ACTR2: variants seen among roughly 807,000 people sequenced by gnomAD.
ACTR2 encodes actin-related protein 2.
In ACTR2, 5 loss-of-function variants were observed where a neutral mutation model predicts 50.2. The observed-to-expected ratio is 0.10, with a 90% CI of 0.05 to 0.21. ACTR2 has a LOEUF of 0.21. ACTR2 is among the 10% of genes least tolerant of loss of function. The pLI is 1.00. For synonymous variants in ACTR2, 140 were observed against 162.9 expected (o/e 0.86, Z 1.07); for missense variants, 180 against 480.6 (o/e 0.37, Z 5.85).
Position 65,270,735 on chromosome 2 carries a change from T to C in ACTR2, c.*2001T>C, listed in dbSNP as rs1672478864. 6.6e-6 allele frequency: 1 copy of C among 152,210 alleles called. No homozygotes were observed. Among genetic ancestry groups the C allele is most frequent in the Admixed American group, 6.5e-5 (1 of 15,280 alleles). 9.4% of individuals were successfully genotyped at this position (152,210 alleles called of 1,614,324 possible). Reference sequence around the variant, plus strand: ...GTAGAATTTGTTTTTGATTTCATAATTCTGCTGGTAAATGTGACAGTTAAA... The same window carrying C: ...GTAGAATTTGTTTTTGATTTCATAACTCTGCTGGTAAATGTGACAGTTAAA... On this transcript the variant is annotated 3_prime_UTR_variant, in exon 9 of 9. Coordinates refer to ENST00000260641, the MANE Select transcript of ACTR2 (RefSeq NM_005722.4).
At chr2:65,248,285 A>G (rs1671977528) in intron 3 of ACTR2, among the ~76,000 whole-genome samples, 1 of 152,176 alleles carries the variant, frequency 6.6e-6, no homozygotes, top group Admixed American at 6.5e-5. Flanking sequence ...CTGTAATCCC[A>G]GCTACTTGGG....
In ACTR2 at chr2:65,227,839, A is replaced by C; in HGVS notation, c.-71A>C. The C allele has an allele frequency of 6.8e-7, 1 of 1,473,956 alleles. No homozygotes were observed. The highest frequency in any genetic ancestry group is 9.0e-7 in the Non-Finnish European group (1 of 1,108,052). The allele number at this position is 1,473,956 out of a possible 1,614,324, so 91.3% of individuals were successfully genotyped here. A position where few individuals can be genotyped will look rare whatever the true frequency, so the allele number is the denominator to read the frequency against. ...GGAGGGGCCGGGAAGACGCAAGAGGAAGAAGAGAAAACGGCCGGGCGGCGG... is the reference window on the plus strand; with the variant it reads ...GGAGGGGCCGGGAAGACGCAAGAGGCAGAAGAGAAAACGGCCGGGCGGCGG... On this transcript the variant is annotated 5_prime_UTR_variant, in exon 1 of 9. Coordinates refer to ENST00000260641, the MANE Select transcript of ACTR2 (RefSeq NM_005722.4).
intron 1 of ACTR2, among the ~76,000 whole-genome samples, chr2:65,235,506 C>T (rs1671722843): frequency 6.6e-6 from 1 of 152,198 alleles, no homozygotes; most frequent in South Asian, 2.1e-4. Context: ...CCTGTAATCC[C>T]AGCACTTTGA....
At chr2:65,253,002 G>A in intron 4 of ACTR2, among the ~76,000 whole-genome samples, 1 of 152,170 alleles carries the variant, frequency 6.6e-6, no homozygotes, top group East Asian at 1.9e-4. Flanking sequence ...TCAAAGTGAT[G>A]CTTTGGCTAG....
chr2:65,241,885 C>A, intron 2 of ACTR2: 1 of 690,240 alleles, frequency 1.4e-6, no homozygotes, highest in Non-Finnish European at 2.3e-6. Context: ...TTAATTTGGC[C>A]CTAATTATTA....
At chr2:65,236,971 G>T (rs1023378143) in intron 1 of ACTR2, among the ~76,000 whole-genome samples, 1 of 152,104 alleles carries the variant, frequency 6.6e-6, no homozygotes, top group Non-Finnish European at 1.5e-5. Flanking sequence ...TAGAAAAACA[G>T]ACTTTTTCTG....
chr2:65,253,904 A>G, intron 5 of ACTR2, 40 bp downstream of exon 5: 1 of 1,565,248 alleles, frequency 6.4e-7, no homozygotes, highest in Non-Finnish European at 8.8e-7. Context: ...AAATTTTGTA[A>G]TTTGTTTACC....
chr2:65,263,002 ACATAT>A (rs1672300507), intron 7 of ACTR2, among the ~76,000 whole-genome samples: 1 of 149,618 alleles, frequency 6.7e-6, no homozygotes, highest in Admixed American at 6.7e-5. Flanking sequence ...TAAAAAAAAA[ACATAT>A]ATATATATAT....
At position 65,243,007 on chromosome 2, in the gene ACTR2, A is replaced by C. The variant is rs1164433892; in HGVS notation, c.159+3045A>C. 2.6e-5 allele frequency among the ~76,000 whole-genome samples: 4 copies of C among 152,204 alleles called. No individual in the cohort carries two copies. The East Asian group carries it at 5.8e-4, about 22-fold the overall frequency. ...TAAGAAAAGGGTGTGCTTGCTGGGC[A>C]CGGTGGCTTGTGCCTGTACTCCCAG... On this transcript the variant is annotated intron_variant, in intron 2 of 8. Coordinates refer to ENST00000260641, the MANE Select transcript of ACTR2 (RefSeq NM_005722.4).
At chr2:65,268,128 C>A (rs1420318444) in intron 8 of ACTR2, among the ~76,000 whole-genome samples, 2 of 151,868 alleles carry the variant, frequency 1.3e-5, no homozygotes, top group African/African-American at 2.4e-5. Context: ...AGCCACCACA[C>A]CCAGCCATGC....
chr2:65,271,040 T>A lies in ACTR2; in HGVS notation c.*2306T>A, dbSNP rs774777808. ...CTTCTACATTTGAGAAGGGTTTTTT[T>A]AGAAATACATTTAGTAAAGTCCCCA... On this transcript the variant is annotated 3_prime_UTR_variant, in exon 9 of 9. Coordinates refer to ENST00000260641, the MANE Select transcript of ACTR2 (RefSeq NM_005722.4). 7.2e-5 allele frequency: 11 copies of A among 152,226 alleles called. No homozygotes were observed. The highest frequency in any genetic ancestry group is 1.6e-4 in the Non-Finnish European group (11 of 68,038). 9.4% of individuals were successfully genotyped at this position (152,226 alleles called of 1,614,324 possible). A position where few individuals can be genotyped will look rare whatever the true frequency, so the allele number is the denominator to read the frequency against.
chr2:65,253,611 A>G (rs1672094985), intron 4 of ACTR2, 117 bp from the exon 5 acceptor site: 19 of 987,862 alleles, frequency 1.9e-5, no homozygotes, highest in South Asian at 1.9e-4. Flanking sequence ...CTAAATAATA[A>G]ATTCTGGCTT....
At chr2:65,251,476 C>T (rs970002063) in intron 4 of ACTR2, among the ~76,000 whole-genome samples, 7 of 152,158 alleles carry the variant, frequency 4.6e-5, no homozygotes, top group African/African-American at 1.2e-4. Flanking sequence ...ATTTTCCTGC[C>T]TCAGCCTCCC....
At chr2:65,230,485 C>T (rs1448453386) in intron 1 of ACTR2, among the ~76,000 whole-genome samples, 3 of 141,694 alleles carry the variant, frequency 2.1e-5, no homozygotes, top group Admixed American at 1.5e-4. Context: ...GATCTCGGCT[C>T]TCTGCAACCT....
At chr2:65,242,034 G>T in intron 2 of ACTR2, 1 of 1,608,192 alleles carries the variant, frequency 6.2e-7, no homozygotes, top group Non-Finnish European at 8.5e-7. Context: ...CACCTTTCTT[G>T]ACCCGTTGAA....
intron 1 of ACTR2, among the ~76,000 whole-genome samples, 194 bp from the exon 2 acceptor site, chr2:65,239,658 C>G (rs1325325191): frequency 1.3e-5 from 2 of 152,126 alleles, no homozygotes; most frequent in Non-Finnish European, 1.5e-5. Flanking sequence ...AAACATGAAC[C>G]CTGGAAGTAG....
intron 2 of ACTR2, among the ~76,000 whole-genome samples, chr2:65,243,973 G>T (rs546566302): frequency 6.6e-6 from 1 of 151,938 alleles, no homozygotes; most frequent in Non-Finnish European, 1.5e-5. Flanking sequence ...TAAAATTTTC[G>T]ATATGAAAAT....
chr2:65,235,624 G>A (rs541969035), intron 1 of ACTR2, among the ~76,000 whole-genome samples: 5 of 152,090 alleles, frequency 3.3e-5, no homozygotes, highest in South Asian at 2.1e-4. Context: ...GTGCAGTGGC[G>A]AGCGCCTGTA....
chr2:65,243,847 T>C (rs1294300036), intron 2 of ACTR2, among the ~76,000 whole-genome samples: 1 of 152,150 alleles, frequency 6.6e-6, no homozygotes, highest in Non-Finnish European at 1.5e-5. Flanking sequence ...TTGTTTCAGA[T>C]AGGTGATGTT....
Sources: gnomAD v4.1 joint callset for allele counts (sites outside exome capture counted in the v4.1 genomes callset) on GRCh38, gnomAD v4.1.1 for gene constraint, MANE v1.5 for transcripts, NCBI Gene and HGNC (gene_info 2026-07-23, HGNC 2026-07-21) for gene names.